DOCK7: variants seen among roughly 807,000 people sequenced by gnomAD.
DOCK7 encodes the protein dedicator of cytokinesis 7, also known as dedicator of cytokinesis protein 7.
DOCK7 carries 138 observed loss-of-function variants against 271.0 expected under a neutral mutation model. The observed-to-expected ratio is 0.51, with a 90% CI of 0.44 to 0.59. The LOEUF (loss-of-function observed/expected upper bound fraction) is 0.59. Ranked by LOEUF, DOCK7 falls within the 20% of genes least tolerant of loss-of-function variation. The probability of loss-of-function intolerance (pLI) is 0.00; values close to 1 mark genes in which losing one functional copy is unlikely to be tolerated. For missense variants in DOCK7, 2,066 were observed against 2,592.4 expected, an observed-to-expected ratio of 0.80 and a Z score of 4.41; for synonymous variants, 823 against 876.1, an observed-to-expected ratio of 0.94 and a Z score of 1.07.
chr1:62,581,476 T>C (rs765109635), intron 16 of DOCK7, among the ~76,000 whole-genome samples: 9 of 152,010 alleles, frequency 5.9e-5, no homozygotes, highest in Non-Finnish European at 1.2e-4. Flanking sequence ...AGGATAGATA[T>C]ATGAACACAG....
At chr1:62,673,122 C>T (rs1660187670) in intron 1 of DOCK7, among the ~76,000 whole-genome samples, 1 of 150,724 alleles carries the variant, frequency 6.6e-6, no homozygotes, top group Non-Finnish European at 1.5e-5. Flanking sequence ...AGACTGGATC[C>T]CAGTAACCAC....
chr1:62,553,260 CTT>C (rs1645976330), intron 21 of DOCK7, among the ~76,000 whole-genome samples: 1 of 142,010 alleles, frequency 7.0e-6, no homozygotes, highest in African/African-American at 2.6e-5. Flanking sequence ...GTCTCAATCT[CTT>C]GACCTTGCGA....
At position 62,556,099 on chromosome 1, in the gene DOCK7, C is replaced by T. The variant is rs1016032490; in HGVS notation, c.2432-110G>A. On this transcript the variant is annotated intron_variant, in intron 20 of 49. Coordinates refer to ENST00000635253, the MANE Select transcript of DOCK7 (RefSeq NM_001367561.1). ...GCATACTTTAAGTATAGTGACTACA[C>T]AGTAAGTGTATAAAGATGATTACTA... The T allele has an allele frequency of 4.7e-5, 51 of 1,074,744 alleles. No individual in the cohort carries two copies. In the African/African-American group the frequency reaches 5.7e-4, roughly 12 times the overall value. The allele number at this position is 1,074,744 out of a possible 1,614,324, so 66.6% of individuals were successfully genotyped here.
intron 18 of DOCK7, among the ~76,000 whole-genome samples, chr1:62,565,286 A>G (rs967009219): frequency 6.6e-6 from 1 of 152,208 alleles, no homozygotes; most frequent in Admixed American, 6.5e-5. Flanking sequence ...AATATCCCTG[A>G]TCAACATCGA....
intron 7 of DOCK7, among the ~76,000 whole-genome samples, chr1:62,639,513 C>T (rs1655727665): frequency 7.1e-6 from 1 of 141,172 alleles, no homozygotes; most frequent in Admixed American, 7.7e-5. Context: ...CGGCTCACTG[C>T]AAGCTCCACC....
chr1:62,476,045 A>C (rs751843823), intron 45 of DOCK7, 22 bp downstream of exon 45: 7 of 1,599,284 alleles, frequency 4.4e-6, no homozygotes, highest in Non-Finnish European at 1.7e-6. Context: ...TCTATATGTC[A>C]TTATAGTCGA....
intron 18 of DOCK7, among the ~76,000 whole-genome samples, chr1:62,568,414 C>G (rs1646599531): frequency 6.6e-6 from 1 of 151,196 alleles, no homozygotes. Flanking sequence ...GATTCTCCTG[C>G]CTCAGTCTCC....
chr1:62,651,017 T>A (rs1657278234), intron 4 of DOCK7, among the ~76,000 whole-genome samples: 1 of 152,092 alleles, frequency 6.6e-6, no homozygotes, highest in Non-Finnish European at 1.5e-5. Context: ...GCGGTGCTAT[T>A]CACAATAGCA....
chr1:62,577,262 C>T lies in DOCK7; in HGVS notation c.2112G>A (p.Glu704=). 1 of 1,496,686 alleles carries T rather than the reference C, an allele frequency of 6.7e-7. No homozygotes were observed. The highest frequency in any genetic ancestry group is 9.0e-7 in the Non-Finnish European group (1 of 1,110,164). 92.7% of individuals were successfully genotyped at this position (1,496,686 alleles called of 1,614,324 possible). Residue 704 remains glutamate, a splice_region_variant and synonymous_variant, in exon 18 of 50, where the codon GAG becomes GAA. Transcript: ENST00000635253. ...GAAAGTCAACATGGGAGACACTGAC[C>T]TCAGGAGACAGTACAGAATAAGCCT... is the stretch of plus-strand genomic sequence containing the variant. ...PPQAYSVLSP[E]VPLPGMKWVD...
At chr1:62,495,541 G>T in intron 39 of DOCK7, 40 bp downstream of exon 39, 1 of 1,326,974 alleles carries the variant, frequency 7.5e-7, no homozygotes, top group Non-Finnish European at 1.0e-6. Context: ...GTCTTACTAA[G>T]TCCCTTATAC....
At chr1:62,543,075 T>C (rs1296307594) in intron 24 of DOCK7, among the ~76,000 whole-genome samples, 1 of 152,178 alleles carries the variant, frequency 6.6e-6, no homozygotes, top group African/African-American at 2.4e-5. Flanking sequence ...TGAACTTTGC[T>C]GGTACAATTT....
chr1:62,578,197 T>C (rs911739811), intron 17 of DOCK7, among the ~76,000 whole-genome samples: 2 of 152,232 alleles, frequency 1.3e-5, no homozygotes, highest in South Asian at 2.1e-4. Context: ...TTACTCATTT[T>C]ATATAAAATC....
At chr1:62,677,343 C>T (rs1338066770) in intron 1 of DOCK7, among the ~76,000 whole-genome samples, 2 of 152,144 alleles carry the variant, frequency 1.3e-5, no homozygotes, top group African/African-American at 4.8e-5. Flanking sequence ...TAACTGAGTC[C>T]TTGGATCTTT....
chr1:62,634,871 A>G lies in DOCK7; in HGVS notation c.937T>C (p.Leu313=), dbSNP rs1655060698. 1 of 1,612,620 alleles carries G rather than the reference A, an allele frequency of 6.2e-7. No individual in the cohort carries two copies. ...GCAGCAGGTGGTACATGTGGACGTA[A>G]CAACCCTTTCATCTGCTCAGAATTA... ...DLNSEQMKGL[L]RPHVPPAAIT... is the part of the protein sequence containing the mutation. The change falls in exon 9 of 50, where the codon TTA becomes CTA. Residue 313 remains leucine (L), a synonymous_variant. Coordinates refer to ENST00000635253, the MANE Select transcript of DOCK7 (RefSeq NM_001367561.1).
intron 25 of DOCK7, among the ~76,000 whole-genome samples, chr1:62,541,572 A>G (rs1056851290): frequency 1.3e-5 from 2 of 152,210 alleles, no homozygotes; most frequent in Non-Finnish European, 2.9e-5. Context: ...AATATATTTT[A>G]ACTTCCTTAT....
chr1:62,561,521 G>A (rs911525973), intron 19 of DOCK7, 96 bp downstream of exon 19: 1 of 623,054 alleles, frequency 1.6e-6, no homozygotes. Flanking sequence ...AGCAATGACA[G>A]ATTTATGACA....
At chr1:62,663,325 T>C (rs911125679) in intron 1 of DOCK7, among the ~76,000 whole-genome samples, 195 bp from the exon 2 acceptor site, 8 of 152,188 alleles carry the variant, frequency 5.3e-5, no homozygotes, top group Non-Finnish European at 8.8e-5. Flanking sequence ...CAACGTCTTA[T>C]GTTGATGTAG....
rs527542313 is a variant in DOCK7, at chr1:62,688,161, G to C, written c.38+66C>G. 9,417 of 1,310,768 alleles carry C rather than the reference G, an allele frequency of 7.2e-3. 56 individuals are homozygous for C. The highest frequency in any genetic ancestry group is 0.017 in the Admixed American group (507 of 29,612). The allele number at this position is 1,310,768 out of a possible 1,614,324, so 81.2% of individuals were successfully genotyped here. On this transcript the variant is annotated intron_variant, in intron 1 of 49. Transcript: ENST00000635253. Reference sequence around the variant, plus strand: ...CACACCCACCCGCCTCCTAGGCCAGGCCTGGGAGGACTCCGCGGCTCTTTC... The same window carrying C: ...CACACCCACCCGCCTCCTAGGCCAGCCCTGGGAGGACTCCGCGGCTCTTTC...
chr1:62,616,667 G>A (rs1348725187), intron 14 of DOCK7, among the ~76,000 whole-genome samples: 1 of 151,658 alleles, frequency 6.6e-6, no homozygotes, highest in Admixed American at 6.6e-5. Context: ...ATTATGTAAT[G>A]TATAAGATTT....
Sources: gnomAD v4.1 joint callset for allele counts (sites outside exome capture counted in the v4.1 genomes callset) on GRCh38, gnomAD v4.1.1 for gene constraint, MANE v1.5 for transcripts, NCBI Gene and HGNC (gene_info 2026-07-23, HGNC 2026-07-21) for gene names.